Variants in RIMS1 observed in about 807,000 individuals in gnomAD.
RIMS1 encodes regulating synaptic membrane exocytosis protein 1.
A neutral mutation model predicts 214.1 loss-of-function variants in RIMS1; 83 were observed. The ratio of observed to expected loss-of-function variants is 0.39; its 90% confidence interval spans 0.32 to 0.47. RIMS1 has a LOEUF of 0.47. RIMS1 is among the 20% of genes least tolerant of loss of function. The pLI is 0.99. For synonymous variants in RIMS1, 793 were observed against 786.8 expected, an observed-to-expected ratio of 1.01 and a Z score of -0.13; for missense variants, 2,050 against 2,161.8, an observed-to-expected ratio of 0.95 and a Z score of 1.03.
chr6:72,224,037 A>G (rs1027231899), intron 6 of RIMS1, among the ~76,000 whole-genome samples: 21 of 151,782 alleles, frequency 1.4e-4, no homozygotes, highest in Admixed American at 1.2e-3. Context: ...CTGTTATTTC[A>G]TAGAGGAGAT....
intron 28 of RIMS1, among the ~76,000 whole-genome samples, chr6:72,332,987 G>A (rs917973483): frequency 6.6e-6 from 1 of 151,810 alleles, no homozygotes; most frequent in Non-Finnish European, 1.5e-5. Context: ...AAGTTTGTGT[G>A]GAGGAAGTGG....
At chr6:72,096,027 A>G (rs1279951673) in intron 2 of RIMS1, among the ~76,000 whole-genome samples, 1 of 152,188 alleles carries the variant, frequency 6.6e-6, no homozygotes, top group East Asian at 1.9e-4. Flanking sequence ...CAGAACAGCA[A>G]ACAGTTCTAT....
At chr6:72,008,760 A>T (rs1362019856) in intron 2 of RIMS1, among the ~76,000 whole-genome samples, 3 of 152,252 alleles carry the variant, frequency 2.0e-5, no homozygotes, top group African/African-American at 7.2e-5. Flanking sequence ...GATCAATTCA[A>T]CAAGAAGAGC....
intron 4 of RIMS1, among the ~76,000 whole-genome samples, chr6:72,131,448 G>C (rs1380487176): frequency 6.6e-6 from 1 of 152,140 alleles, no homozygotes; most frequent in African/African-American, 2.4e-5. Context: ...GGGCGTCCGG[G>C]GGAGACATCA....
chr6:71,967,249 G>A (rs891640338), intron 1 of RIMS1, among the ~76,000 whole-genome samples: 3 of 152,040 alleles, frequency 2.0e-5, no homozygotes, highest in Non-Finnish European at 4.4e-5. Context: ...TTAACCAGGC[G>A]TGGTGGTGGG....
chr6:72,104,843 G>T (rs1430958911), intron 4 of RIMS1, among the ~76,000 whole-genome samples: 1 of 151,936 alleles, frequency 6.6e-6, no homozygotes, highest in Non-Finnish European at 1.5e-5. Context: ...CTGGGGAGAA[G>T]GATCTGCAGA....
intron 27 of RIMS1, among the ~76,000 whole-genome samples, chr6:72,311,407 A>G (rs2095503496): frequency 6.6e-6 from 1 of 152,230 alleles, no homozygotes; most frequent in Non-Finnish European, 1.5e-5. Flanking sequence ...AGTCAGAATC[A>G]TGTTATTAAA....
chr6:71,992,763 G>A (rs2151630154), intron 2 of RIMS1, among the ~76,000 whole-genome samples: 1 of 152,066 alleles, frequency 6.6e-6, no homozygotes, highest in East Asian at 1.9e-4. Context: ...GGGCTCAGGT[G>A]ATCCTCCCAT....
chr6:72,287,033 A>G (rs2092453486), intron 24 of RIMS1, among the ~76,000 whole-genome samples: 1 of 152,208 alleles, frequency 6.6e-6, no homozygotes, highest in South Asian at 2.1e-4. Flanking sequence ...TCTTGATAAG[A>G]TAAAAGTCTA....
chr6:72,210,278 A>G lies in RIMS1; in HGVS notation c.1679-23495A>G, dbSNP rs546496676. 1.7e-3 allele frequency among the ~76,000 whole-genome samples: 259 copies of G among 152,352 alleles called. 2 individuals are homozygous for G. Among genetic ancestry groups the G allele is most frequent in the Non-Finnish European group, 3.0e-3 (207 of 68,030 alleles). On this transcript the variant is annotated intron_variant, in intron 6 of 33. Coordinates refer to ENST00000521978, the MANE Select transcript of RIMS1 (RefSeq NM_014989.7). ...TTCTGCAAAATAGCAGGCTTAGTAA[A>G]TATTTCCAAAAATATTGTTTATGCT...
intron 4 of RIMS1, among the ~76,000 whole-genome samples, chr6:72,174,133 A>G (rs1394998543): frequency 6.6e-6 from 1 of 152,164 alleles, no homozygotes; most frequent in African/African-American, 2.4e-5. Context: ...TCCATCTGTG[A>G]TTTGAGCTAC....
intron 6 of RIMS1, among the ~76,000 whole-genome samples, chr6:72,220,325 A>G (rs367758733): frequency 6.6e-6 from 1 of 152,110 alleles, no homozygotes; most frequent in South Asian, 2.1e-4. Flanking sequence ...AAAGGAAGCA[A>G]TGGACTCTTG....
At chr6:72,354,533 A>G (rs1054239249) in intron 29 of RIMS1, among the ~76,000 whole-genome samples, 1 of 152,236 alleles carries the variant, frequency 6.6e-6, no homozygotes, top group African/African-American at 2.4e-5. Context: ...AAAATGTGTA[A>G]TATCTAAAAT....
intron 4 of RIMS1, among the ~76,000 whole-genome samples, chr6:72,143,656 C>T (rs536958124): frequency 7.9e-5 from 12 of 152,290 alleles, no homozygotes; most frequent in South Asian, 4.2e-4. Flanking sequence ...CCTTCTATCA[C>T]GCTGTGTTGG....
At chr6:71,999,719 A>G (rs1804548586) in intron 2 of RIMS1, among the ~76,000 whole-genome samples, 1 of 152,156 alleles carries the variant, frequency 6.6e-6, no homozygotes, top group African/African-American at 2.4e-5. Flanking sequence ...GATGTTTACT[A>G]GTGTGGCATT....
At chr6:72,389,202 A>C (rs534112563) in intron 29 of RIMS1, among the ~76,000 whole-genome samples, 1 of 152,226 alleles carries the variant, frequency 6.6e-6, no homozygotes, top group African/African-American at 2.4e-5. Context: ...CACAGTAGCC[A>C]AGTGAAGAAG....
intron 21 of RIMS1, 120 bp downstream of exon 21, chr6:72,265,623 G>C: frequency 1.7e-6 from 1 of 595,708 alleles, no homozygotes; most frequent in Non-Finnish European, 2.9e-6. Context: ...TGTGGCATCT[G>C]TTCCTGGTAA....
chr6:72,275,203 T>C (rs1280998236), intron 23 of RIMS1, among the ~76,000 whole-genome samples: 3 of 139,002 alleles, frequency 2.2e-5, no homozygotes, highest in Non-Finnish European at 4.6e-5. Context: ...AAATGTGTTT[T>C]CCTGACTGGT....
At chr6:72,278,690 G>A (rs989277769) in intron 23 of RIMS1, among the ~76,000 whole-genome samples, 1 of 152,042 alleles carries the variant, frequency 6.6e-6, no homozygotes, top group Non-Finnish European at 1.5e-5. Context: ...GTGTATCCAT[G>A]AACTAAAATA....
Sources: gnomAD v4.1 joint callset for allele counts (sites outside exome capture counted in the v4.1 genomes callset) on GRCh38, gnomAD v4.1.1 for gene constraint, MANE v1.5 for transcripts, NCBI Gene and HGNC (gene_info 2026-07-23, HGNC 2026-07-21) for gene names.